The following COBLL1 variants were observed in gnomAD, a reference collection of about 807,000 sequenced individuals.
COBLL1 encodes cordon-bleu protein-like 1.
COBLL1 carries 50 observed loss-of-function variants against 94.8 expected under a neutral mutation model. That is an observed-to-expected ratio of 0.53 (90% CI 0.42 to 0.67). The LOEUF is 0.67. COBLL1 is among the 30% of genes least tolerant of loss of function. The pLI is 0.00. For missense variants in COBLL1, 1,362 were observed against 1,348.7 expected (o/e 1.01, Z -0.15); for synonymous variants, 448 against 473.8 (o/e 0.95, Z 0.71).
chr2:164,800,569 A>G (rs1403933288), intron 2 of COBLL1: 12 of 701,990 alleles, frequency 1.7e-5, no homozygotes, highest in Non-Finnish European at 2.9e-5. Context: ...GCAGCATAAA[A>G]AAGAAATCAA....
chr2:164,696,000 A>G lies in COBLL1; in HGVS notation c.1556-164T>C. The G allele has an allele frequency of 3.4e-6, 2 of 594,320 alleles. 1 individual carries two copies. Among genetic ancestry groups the G allele is most frequent in the Non-Finnish European group, 5.7e-6 (2 of 351,652 alleles). 36.8% of individuals were successfully genotyped at this position (594,320 alleles called of 1,614,324 possible). A position where few individuals can be genotyped will look rare whatever the true frequency, so the allele number is the denominator to read the frequency against. On this transcript the variant is annotated intron_variant, in intron 11 of 13. Transcript: ENST00000652658. ...GGTAGTAGCATACAGAGAAAACAGT[A>G]CGTGCTTTGGATTCATACAGACTGA...
chr2:164,805,331 CTCTCTCTATA>C (rs1226901027), intron 2 of COBLL1, among the ~76,000 whole-genome samples: 91 of 21,272 alleles, frequency 4.3e-3, no homozygotes, highest in African/African-American at 7.4e-3. Context: ...CTCTCTCTCT[CTCTCTCTATA>C]TATATATATA....
intron 2 of COBLL1, among the ~76,000 whole-genome samples, chr2:164,787,151 T>C (rs1373819324): frequency 2.0e-5 from 3 of 152,164 alleles, no homozygotes; most frequent in Non-Finnish European, 4.4e-5. Flanking sequence ...AGCTTATCCT[T>C]CCTTAGTGCT....
intron 2 of COBLL1, among the ~76,000 whole-genome samples, chr2:164,815,873 A>G (rs938689318): frequency 5.3e-5 from 8 of 152,068 alleles, no homozygotes; most frequent in Non-Finnish European, 1.5e-5. Context: ...GAAAGACTCA[A>G]ATTCCTCCAC....
At chr2:164,774,865 CAAA>C (rs34127217) in intron 2 of COBLL1, among the ~76,000 whole-genome samples, 21 of 130,176 alleles carry the variant, frequency 1.6e-4, no homozygotes, top group African/African-American at 3.0e-4. Context: ...TCACTTTTTT[CAAA>C]AAAAAAAAAA....
At chr2:164,795,763 A>C (rs1303345344) in intron 2 of COBLL1, among the ~76,000 whole-genome samples, 1 of 152,228 alleles carries the variant, frequency 6.6e-6, no homozygotes, top group African/African-American at 2.4e-5. Flanking sequence ...ACAATCTTAA[A>C]ATATACATTT....
chr2:164,828,352 A>G (rs1685532874), intron 2 of COBLL1, among the ~76,000 whole-genome samples: 1 of 152,212 alleles, frequency 6.6e-6, no homozygotes, highest in Admixed American at 6.5e-5. Flanking sequence ...CAAATTGTAA[A>G]CTGCATAAAG....
In COBLL1 at chr2:164,671,343, T is replaced by C. The variant is rs533219675; in HGVS notation, n.127-5442A>G. On this transcript the variant is annotated intron_variant and non_coding_transcript_variant, in intron 1 of 2. Coordinates refer to the COBLL1 transcript ENST00000495084. ...TTTAATGTAAGAACCTATTCTTTGA[T>C]GACATGTTTCTGCTCAGGATAGTGT... Among the ~76,000 whole-genome samples, 4 of 152,334 alleles carry C rather than the reference T, an allele frequency of 2.6e-5. No homozygotes were observed. In the South Asian group the frequency reaches 8.3e-4, roughly 32 times the overall value.
In COBLL1 at chr2:164,694,383, G is replaced by A. The variant is rs762443663; in HGVS notation, c.3009C>T (p.Arg1003=). ...ATGCACTGGCACTAGGTGACTCGGTGCGCTCTTTACTGAAAGACTGTGACC... is the reference window on the plus strand; with the variant it reads ...ATGCACTGGCACTAGGTGACTCGGTACGCTCTTTACTGAAAGACTGTGACC... The part of the protein sequence containing the change: ...VKRSQSFSKE[R]TESPSASALV... The change falls in exon 12 of 14, where the codon CGC becomes CGT. Residue 1003 remains arginine (R), a synonymous_variant. Transcript: ENST00000652658. 9.3e-6 allele frequency: 15 copies of A among 1,613,878 alleles called. 1 individual carries two copies. The South Asian group carries it at 1.2e-4, about 13-fold the overall frequency.
intron 3 of COBLL1, among the ~76,000 whole-genome samples, chr2:164,735,688 C>T (rs1158268853): frequency 6.6e-6 from 1 of 152,144 alleles, no homozygotes; most frequent in Non-Finnish European, 1.5e-5. Flanking sequence ...TTGAATAGAG[C>T]TCAGAATTAT....
chr2:164,703,085 G>T, intron 9 of COBLL1: 1 of 1,486,334 alleles, frequency 6.7e-7, no homozygotes. Context: ...CACCAGCCAG[G>T]AAAGGCCTGA....
chr2:164,746,483 A>G (rs1363578481), intron 2 of COBLL1, among the ~76,000 whole-genome samples: 1 of 152,098 alleles, frequency 6.6e-6, no homozygotes, highest in African/African-American at 2.4e-5. Context: ...CTGGAGTGCT[A>G]TACAAATGTT....
intron 2 of COBLL1, among the ~76,000 whole-genome samples, chr2:164,772,338 T>C (rs191937920): frequency 4.8e-4 from 73 of 152,154 alleles, no homozygotes; most frequent in African/African-American, 1.7e-3. Flanking sequence ...GAAATTTACA[T>C]TTGAATTATA....
chr2:164,784,371 T>C (rs1231233853), intron 2 of COBLL1, among the ~76,000 whole-genome samples: 17 of 152,222 alleles, frequency 1.1e-4, no homozygotes, highest in Admixed American at 1.0e-3. Context: ...GCATTTTGTA[T>C]CTCTAAATTT....
At chr2:164,802,633 C>T (rs894710993) in intron 2 of COBLL1, among the ~76,000 whole-genome samples, 1 of 152,162 alleles carries the variant, frequency 6.6e-6, no homozygotes. Context: ...TTAGAACATA[C>T]ATATGTTCAG....
downstream of COBLL1, among the ~76,000 whole-genome samples, chr2:164,678,621 TTTCA>T (rs202215436): frequency 0.013 from 2,033 of 152,206 alleles, 27 homozygotes; most frequent in African/African-American, 0.04. Flanking sequence ...AATAAGAAAT[TTTCA>T]TTAAGACAAT....
rs117362159 is a variant in COBLL1 at position 164,747,926 on chromosome 2, G to A, written c.42-4051C>T. 6.8e-4 allele frequency among the ~76,000 whole-genome samples: 104 copies of A among 152,244 alleles called. No individual in the cohort carries two copies. In the East Asian group the frequency reaches 0.018, roughly 27 times the overall value. ...AGTGAATGTGCAATACAACCGAGAA[G>A]ATGCAATGCATAATTACATAATACA... On this transcript the variant is annotated intron_variant, in intron 2 of 13. Transcript: ENST00000652658.
Position 164,695,722 on chromosome 2 carries a change from A to G in COBLL1, c.1670T>C (p.Met557Thr), listed in dbSNP as rs749807720. ...AGAGTTTGATGGTCTCTCAACTTCCATATCAATGTTGTTATTTTTGGCAAC... is the reference window on the plus strand; with the variant it reads ...AGAGTTTGATGGTCTCTCAACTTCCGTATCAATGTTGTTATTTTTGGCAAC... ...EGVAKNNNID[M>T]EVERPSNSEA... Residue 557 changes from methionine to threonine, a missense_variant, in exon 12 of 14, where the codon ATG becomes ACG. Transcript: ENST00000652658. 6 of 1,613,656 alleles carry G rather than the reference A, an allele frequency of 3.7e-6. No individual in the cohort carries two copies. The highest frequency in any genetic ancestry group is 5.1e-6 in the Non-Finnish European group (6 of 1,179,856).
At chr2:164,789,588 A>G (rs553416450) in intron 2 of COBLL1, among the ~76,000 whole-genome samples, 19 of 152,156 alleles carry the variant, frequency 1.2e-4, no homozygotes, top group Non-Finnish European at 2.8e-4. Context: ...CTCAGAGGGT[A>G]TGTTAGAAAA....
Sources: allele counts gnomAD v4.1 joint callset (sites outside exome capture counted in the v4.1 genomes callset), GRCh38; gene constraint gnomAD v4.1.1; transcripts MANE v1.5; gene names NCBI Gene and HGNC (gene_info 2026-07-23, HGNC 2026-07-21).